LRMDA: variants seen among roughly 807,000 people sequenced by gnomAD.
LRMDA encodes leucine-rich melanocyte differentiation-associated protein.
In LRMDA, 18 loss-of-function variants were observed where a neutral mutation model predicts 29.8. The ratio of observed to expected loss-of-function variants is 0.60; its 90% CI spans 0.42 to 0.90. The LOEUF is 0.90. LRMDA is among the 40% of genes least tolerant of loss of function. LRMDA has a pLI of 0.00. For synonymous variants in LRMDA, 125 were observed against 109.4 expected (o/e 1.14, Z -0.89); for missense variants, 273 against 273.9 (o/e 1.00, Z 0.02).
At chr10:75,780,434 G>C (rs960790673) in intron 2 of LRMDA, among the ~76,000 whole-genome samples, 11 of 152,210 alleles carry the variant, frequency 7.2e-5, no homozygotes, top group African/African-American at 2.4e-4. Context: ...GTAAGGGATA[G>C]AGACCTGGAA....
chr10:76,115,037 C>T (rs893253488), intron 5 of LRMDA, among the ~76,000 whole-genome samples: 1 of 152,188 alleles, frequency 6.6e-6, no homozygotes, highest in Non-Finnish European at 1.5e-5. Flanking sequence ...GCTGTTTTTG[C>T]TTTGCTGGAA....
intron 5 of LRMDA, among the ~76,000 whole-genome samples, chr10:76,211,419 C>A (rs908545848): frequency 6.6e-6 from 1 of 152,222 alleles, no homozygotes; most frequent in African/African-American, 2.4e-5. Context: ...TTCCACTCTG[C>A]CTTAGACTGG....
intron 2 of LRMDA, among the ~76,000 whole-genome samples, chr10:75,876,330 G>A (rs1845197911): frequency 6.6e-6 from 1 of 152,182 alleles, no homozygotes; most frequent in Non-Finnish European, 1.5e-5. Context: ...TCACTTGAGG[G>A]AGTGATTTAG....
intron 2 of LRMDA, among the ~76,000 whole-genome samples, chr10:75,665,181 C>A (rs754235109): frequency 2.0e-5 from 3 of 152,226 alleles, no homozygotes; most frequent in Non-Finnish European, 4.4e-5. Context: ...CATGCCACAT[C>A]ATCGTCCCTT....
At chr10:76,228,292 A>G (rs1851998300) in intron 5 of LRMDA, among the ~76,000 whole-genome samples, 1 of 152,064 alleles carries the variant, frequency 6.6e-6, no homozygotes. Context: ...AGTGCTAGGT[A>G]TGAGCTACCA....
intron 5 of LRMDA, among the ~76,000 whole-genome samples, chr10:76,193,949 C>T (rs752319899): frequency 2.0e-4 from 31 of 152,130 alleles, no homozygotes; most frequent in Non-Finnish European, 3.5e-4. Context: ...CACTAACTTG[C>T]GTCAACCCAT....
At chr10:75,608,496 C>A (rs559891697) in intron 2 of LRMDA, among the ~76,000 whole-genome samples, 1 of 152,024 alleles carries the variant, frequency 6.6e-6, no homozygotes, top group African/African-American at 2.4e-5. Context: ...TCCCACCACA[C>A]ACAAAAAATG....
At chr10:75,711,919 A>AAC (rs146819347) in intron 2 of LRMDA, among the ~76,000 whole-genome samples, 4,872 of 149,294 alleles carry the variant, frequency 0.033, 181 homozygotes, top group African/African-American at 0.094. Flanking sequence ...TTGAAGGTAA[A>AAC]ACACACACAC....
chr10:75,493,348 G>GGGGTGTGTGTGT (rs1554894323), intron 2 of LRMDA, among the ~76,000 whole-genome samples: 13 of 133,270 alleles, frequency 9.8e-5, no homozygotes, highest in African/African-American at 3.5e-4. Flanking sequence ...GTTGAGATTG[G>GGGGTGTGTGTGT]GTGTGTGTGT....
chr10:75,650,401 TTGACCATCTA>T lies in LRMDA; in HGVS notation c.131+211910_131+211919del, dbSNP rs146241841. 8.9e-3 allele frequency among the ~76,000 whole-genome samples: 1,357 copies of T among 152,332 alleles called. 22 individuals are homozygous for T. Among genetic ancestry groups the T allele is most frequent in the South Asian group, 0.029 (140 of 4,826 alleles). ...GTCTTAGTAACCTTGTCAAAATCAT[TTGACCATCTA>T]TGCAAGAGTTATTTCTAGGTTCTCT... On this transcript the variant is annotated intron_variant, in intron 2 of 6. Coordinates refer to ENST00000611255, the MANE Select transcript of LRMDA (RefSeq NM_001305581.2).
intron 2 of LRMDA, among the ~76,000 whole-genome samples, chr10:75,638,246 C>T (rs1478823575): frequency 6.6e-6 from 1 of 152,148 alleles, no homozygotes; most frequent in Non-Finnish European, 1.5e-5. Context: ...CAGTTGATGG[C>T]AGAAGGCAGG....
intron 2 of LRMDA, among the ~76,000 whole-genome samples, chr10:75,553,731 G>C (rs1840181180): frequency 6.6e-6 from 1 of 152,086 alleles, no homozygotes; most frequent in African/African-American, 2.4e-5. Context: ...AGGAGGAAGT[G>C]GCTTCCTCCT....
chr10:75,937,417 G>A (rs1227736911), intron 2 of LRMDA, among the ~76,000 whole-genome samples: 1 of 152,172 alleles, frequency 6.6e-6, no homozygotes, highest in Non-Finnish European at 1.5e-5. Flanking sequence ...TGGGGGCCTG[G>A]CCCTCACAGG....
intron 2 of LRMDA, among the ~76,000 whole-genome samples, chr10:75,876,878 A>G (rs997352508): frequency 2.6e-5 from 4 of 152,186 alleles, no homozygotes; most frequent in Non-Finnish European, 5.9e-5. Context: ...CAGACTTTAA[A>G]GTGCATCATC....
At chr10:76,180,727 G>A (rs1463487765) in intron 5 of LRMDA, among the ~76,000 whole-genome samples, 1 of 152,206 alleles carries the variant, frequency 6.6e-6, no homozygotes, top group African/African-American at 2.4e-5. Context: ...ACACTGGCCT[G>A]CCCTTTGCCT....
intron 6 of LRMDA, among the ~76,000 whole-genome samples, chr10:76,509,767 G>C (rs1038560776): frequency 6.6e-6 from 1 of 152,180 alleles, no homozygotes; most frequent in Non-Finnish European, 1.5e-5. Flanking sequence ...TTTCAGCCTC[G>C]TGGTAAGTAC....
At chr10:76,031,374 A>G (rs1848147017) in intron 2 of LRMDA, among the ~76,000 whole-genome samples, 1 of 152,210 alleles carries the variant, frequency 6.6e-6, no homozygotes, top group Non-Finnish European at 1.5e-5. Flanking sequence ...CTCTGAAAGA[A>G]TACGAGTCTA....
At chr10:75,691,376 C>A (rs1215186082) in intron 2 of LRMDA, among the ~76,000 whole-genome samples, 2 of 151,642 alleles carry the variant, frequency 1.3e-5, no homozygotes, top group African/African-American at 4.8e-5. Context: ...GTATCAGCAG[C>A]TTACACTTTC....
At chr10:76,458,161 A>C (rs1037160094) in intron 6 of LRMDA, among the ~76,000 whole-genome samples, 9 of 68,422 alleles carry the variant, frequency 1.3e-4, no homozygotes, top group Admixed American at 1.0e-3. Context: ...AATTAAAAAA[A>C]ATTTGGCCTG....
Sources: allele counts gnomAD v4.1 joint callset (sites outside exome capture counted in the v4.1 genomes callset), GRCh38; gene constraint gnomAD v4.1.1; transcripts MANE v1.5; gene names NCBI Gene and HGNC (gene_info 2026-07-23, HGNC 2026-07-21).